MYO18B: variants seen among roughly 807,000 people sequenced by gnomAD.
MYO18B encodes the protein unconventional myosin-XVIIIb.
Under a neutral mutation model 273.0 loss-of-function variants are expected in MYO18B, and 204 were observed. The ratio of observed to expected loss-of-function variants is 0.75; its 90% CI spans 0.67 to 0.84. The LOEUF is 0.84. Among genes scored for constraint, MYO18B ranks in the 40% least tolerant of loss-of-function variants. MYO18B has a pLI of 0.00. For synonymous variants in MYO18B, 1,330 were observed against 1,305.7 expected (o/e 1.02, Z -0.40); for missense variants, 3,212 against 3,287.6 (o/e 0.98, Z 0.56).
intron 42 of MYO18B, among the ~76,000 whole-genome samples, chr22:26,022,823 A>G (rs541561786): frequency 2.0e-4 from 31 of 152,342 alleles, no homozygotes; most frequent in African/African-American, 7.2e-4. Flanking sequence ...GCCTTGTAGA[A>G]GGCATTGCTC....
chr22:26,022,376 C>A (rs1935896561), intron 42 of MYO18B, among the ~76,000 whole-genome samples: 1 of 152,080 alleles, frequency 6.6e-6, no homozygotes, highest in African/African-American at 2.4e-5. Context: ...CAGCCTCACT[C>A]AGCAGAACTT....
chr22:25,801,411 G>T (rs573255216), intron 12 of MYO18B, among the ~76,000 whole-genome samples: 1 of 152,282 alleles, frequency 6.6e-6, no homozygotes, highest in South Asian at 2.1e-4. Context: ...GCAAGAGTCA[G>T]GAGTCAGCCT....
Position 25,908,938 on chromosome 22 carries a change from A to G in MYO18B, c.5259+506A>G, listed in dbSNP as rs550372209. On this transcript the variant is annotated intron_variant, in intron 32 of 43. Transcript: ENST00000335473. ...TGTACACACATGCAGATTTGCAGAG[A>G]TATCATTTTCACTAAATGAGGCCAT... Among the ~76,000 whole-genome samples, 6 of 152,318 alleles carry G rather than the reference A, an allele frequency of 3.9e-5. No homozygotes were observed. In the South Asian group the frequency reaches 1.2e-3, roughly 32 times the overall value.
intron 39 of MYO18B, among the ~76,000 whole-genome samples, chr22:25,957,015 G>T (rs1461624954): frequency 2.6e-5 from 4 of 152,158 alleles, no homozygotes; most frequent in Non-Finnish European, 5.9e-5. Context: ...CTCCTGACTG[G>T]CGGTTCCTCC....
chr22:25,864,173 G>C (rs535342815), intron 21 of MYO18B, among the ~76,000 whole-genome samples: 1 of 152,214 alleles, frequency 6.6e-6, no homozygotes, highest in Non-Finnish European at 1.5e-5. Context: ...GAGAGACAGA[G>C]CTGGGGTGGG....
At chr22:25,864,218 C>G (rs2090822855) in intron 21 of MYO18B, among the ~76,000 whole-genome samples, 1 of 152,202 alleles carries the variant, frequency 6.6e-6, no homozygotes, top group East Asian at 1.9e-4. Flanking sequence ...AATATTGCCA[C>G]AAACTCTCAC....
At chr22:25,928,402 C>CAAA (rs71311529) in intron 34 of MYO18B, among the ~76,000 whole-genome samples, 93 of 48,016 alleles carry the variant, frequency 1.9e-3, no homozygotes, top group African/African-American at 6.2e-3. Flanking sequence ...GACCCGGCCT[C>CAAA]AAAAAAAAAA....
chr22:25,814,499 A>T (rs927465162), intron 12 of MYO18B, among the ~76,000 whole-genome samples: 2 of 151,210 alleles, frequency 1.3e-5, no homozygotes, highest in Admixed American at 6.6e-5. Context: ...CAACAATCTC[A>T]TGGAGTAGAT....
At chr22:25,922,592 C>A (rs1197329270) in intron 34 of MYO18B, among the ~76,000 whole-genome samples, 3 of 152,116 alleles carry the variant, frequency 2.0e-5, no homozygotes, top group African/African-American at 7.2e-5. Flanking sequence ...AGCCCAGATG[C>A]CTTCGCCACC....
intron 17 of MYO18B, among the ~76,000 whole-genome samples, chr22:25,836,894 A>G (rs965114290): frequency 6.6e-6 from 1 of 151,812 alleles, no homozygotes; most frequent in Non-Finnish European, 1.5e-5. Flanking sequence ...CCCAGGAGGT[A>G]GAGTTTGCAA....
chr22:25,982,926 G>A (rs2093164297), intron 39 of MYO18B, among the ~76,000 whole-genome samples: 1 of 152,098 alleles, frequency 6.6e-6, no homozygotes, highest in Non-Finnish European at 1.5e-5. Flanking sequence ...AGCCACTCCT[G>A]AATTCTCAAC....
At chr22:25,985,931 CT>C (rs1270122653) in intron 39 of MYO18B, among the ~76,000 whole-genome samples, 1 of 152,178 alleles carries the variant, frequency 6.6e-6, no homozygotes. Flanking sequence ...CCCGCCCAGC[CT>C]ACAGGGCTTT....
intron 3 of MYO18B, among the ~76,000 whole-genome samples, chr22:25,764,472 C>T (rs1437409730): frequency 6.6e-6 from 1 of 152,208 alleles, no homozygotes; most frequent in East Asian, 1.9e-4. Context: ...GGCCTCAGGG[C>T]CTGGTGCTGG....
chr22:26,032,644 C>G (rs1936693856), downstream of MYO18B, among the ~76,000 whole-genome samples: 1 of 151,616 alleles, frequency 6.6e-6, no homozygotes, highest in Non-Finnish European at 1.5e-5. Flanking sequence ...GCCTCAGCCT[C>G]CTGAGTAGCT....
intron 39 of MYO18B, among the ~76,000 whole-genome samples, chr22:25,980,681 T>C (rs535510120): frequency 2.6e-5 from 4 of 152,352 alleles, no homozygotes; most frequent in African/African-American, 9.6e-5. Flanking sequence ...TTGTCACTTT[T>C]TAAATGTTCT....
chr22:26,031,853 A>G, downstream of MYO18B, among the ~76,000 whole-genome samples: 1 of 152,156 alleles, frequency 6.6e-6, no homozygotes, highest in East Asian at 1.9e-4. Flanking sequence ...TCTCTGATGC[A>G]GACACAGTCT....
chr22:25,891,753 G>A (rs968724367), intron 27 of MYO18B, among the ~76,000 whole-genome samples: 5 of 152,214 alleles, frequency 3.3e-5, no homozygotes, highest in Admixed American at 6.5e-5. Context: ...GAGGCCTGGC[G>A]TGGTGGCTCA....
At chr22:25,981,299 G>A (rs1273000348) in intron 39 of MYO18B, among the ~76,000 whole-genome samples, 3 of 152,234 alleles carry the variant, frequency 2.0e-5, no homozygotes, top group African/African-American at 4.8e-5. Flanking sequence ...AGGTATGGGA[G>A]TCAATTGAGA....
At chr22:25,997,049 G>A (rs559494614) in intron 40 of MYO18B, among the ~76,000 whole-genome samples, 56 of 152,172 alleles carry the variant, frequency 3.7e-4, no homozygotes, top group South Asian at 2.1e-3. Context: ...CTTGCTGGGC[G>A]CGGTGGCTCA....
Sources: gnomAD v4.1 joint callset for allele counts (sites outside exome capture counted in the v4.1 genomes callset) on GRCh38, gnomAD v4.1.1 for gene constraint, MANE v1.5 for transcripts, NCBI Gene and HGNC (gene_info 2026-07-23, HGNC 2026-07-21) for gene names.